Variants in CCDC6 observed in about 807,000 individuals in gnomAD.
The protein encoded by CCDC6 is coiled-coil domain containing 6, also known as coiled-coil domain-containing protein 6.
In CCDC6, 20 loss-of-function variants were observed where a neutral mutation model predicts 56.6. That is an observed-to-expected ratio of 0.35 (90% CI 0.25 to 0.51). The LOEUF is 0.51. Among genes scored for constraint, CCDC6 ranks in the 20% least tolerant of loss-of-function variants. The pLI is 0.95. For synonymous variants in CCDC6, 241 were observed against 234.4 expected (o/e 1.03, Z -0.26); for missense variants, 367 against 601.1 (o/e 0.61, Z 4.07).
chr10:59,793,909 A>T (rs1436647468), intron 8 of CCDC6, among the ~76,000 whole-genome samples: 1 of 152,122 alleles, frequency 6.6e-6, no homozygotes, highest in East Asian at 1.9e-4. Flanking sequence ...AAATATTGGT[A>T]TTTCTGTTAT....
At chr10:59,883,185 T>TA (rs952633208) in intron 1 of CCDC6, among the ~76,000 whole-genome samples, 3 of 152,208 alleles carry the variant, frequency 2.0e-5, no homozygotes, top group African/African-American at 7.2e-5. Flanking sequence ...CTCTGAGTCT[T>TA]AGTCTTTGAG....
At chr10:59,820,688 C>A (rs775362902) in intron 3 of CCDC6, among the ~76,000 whole-genome samples, 7 of 151,838 alleles carry the variant, frequency 4.6e-5, no homozygotes, top group Non-Finnish European at 1.0e-4. Context: ...CTTGAGGCTG[C>A]AGTGAGCTAT....
At chr10:59,875,077 G>A (rs991440137) in intron 1 of CCDC6, among the ~76,000 whole-genome samples, 2 of 152,328 alleles carry the variant, frequency 1.3e-5, no homozygotes, top group East Asian at 3.9e-4. Flanking sequence ...CCATGATTAA[G>A]AACAAGTGAA....
intron 2 of CCDC6, among the ~76,000 whole-genome samples, chr10:59,837,355 A>G (rs949610619): frequency 3.3e-5 from 5 of 152,202 alleles, no homozygotes; most frequent in East Asian, 1.9e-4. Context: ...TAAAATGTCA[A>G]TGTGCAGGTC....
intron 3 of CCDC6, among the ~76,000 whole-genome samples, chr10:59,819,826 G>A (rs941614111): frequency 6.6e-6 from 1 of 152,072 alleles, no homozygotes; most frequent in African/African-American, 2.4e-5. Flanking sequence ...CCCAAGCCCC[G>A]TACTGTGATT....
intron 1 of CCDC6, among the ~76,000 whole-genome samples, chr10:59,864,552 T>C (rs910999927): frequency 4.6e-5 from 7 of 152,198 alleles, no homozygotes; most frequent in African/African-American, 1.4e-4. Context: ...ATAGGATCCC[T>C]GCCAGAGTAT....
At chr10:59,796,148 G>A (rs1351019238) in intron 7 of CCDC6, among the ~76,000 whole-genome samples, 2 of 152,134 alleles carry the variant, frequency 1.3e-5, no homozygotes, top group African/African-American at 4.8e-5. Context: ...GTTGTTTCCT[G>A]ACTTTTTAAT....
chr10:59,877,132 T>G (rs1244580498), intron 1 of CCDC6, among the ~76,000 whole-genome samples: 1 of 152,204 alleles, frequency 6.6e-6, no homozygotes, highest in Non-Finnish European at 1.5e-5. Context: ...ATCGCAGACT[T>G]AAATGCCATT....
At position 59,806,972 on chromosome 10, in the gene CCDC6, G is replaced by A; in HGVS notation, c.954C>T (p.Leu318=). ...LQREMERREA[L]CRQLSESESS... is the part of the protein sequence containing the mutation. ...ACTCACTCTCGGAGAGCTGTCGACA[G>A]AGGGCTTCTCTTCTCTCCATCTCCC... The change falls in exon 6 of 9, where the codon CTC becomes CTT. Residue 318 remains leucine (L), a synonymous_variant. Transcript: ENST00000263102. 1.2e-6 allele frequency: 2 copies of A among 1,614,068 alleles called. No homozygotes were observed. The highest frequency in any genetic ancestry group is 1.7e-6 in the Non-Finnish European group (2 of 1,179,972).
chr10:59,896,055 G>GAT (rs1382120756), intron 1 of CCDC6, among the ~76,000 whole-genome samples: 1 of 152,218 alleles, frequency 6.6e-6, no homozygotes, highest in Admixed American at 6.5e-5. Context: ...ACGGGGAGAG[G>GAT]ATAACTAGAA....
intron 1 of CCDC6, among the ~76,000 whole-genome samples, chr10:59,900,587 G>A (rs2071498160): frequency 6.6e-6 from 1 of 152,144 alleles, no homozygotes; most frequent in Admixed American, 6.5e-5. Context: ...TGGATCCAAG[G>A]ACAATGGGGA....
chr10:59,893,615 AATAC>A (rs67669225), intron 1 of CCDC6, among the ~76,000 whole-genome samples: 20,208 of 148,454 alleles, frequency 0.14, 2,034 homozygotes, highest in African/African-American at 0.29. Flanking sequence ...CAAACAAACA[AATAC>A]ATACATACAT....
intron 1 of CCDC6, among the ~76,000 whole-genome samples, chr10:59,852,980 T>G (rs1280501894): frequency 1.3e-5 from 2 of 152,192 alleles, no homozygotes; most frequent in African/African-American, 4.8e-5. Flanking sequence ...AAGATCACAT[T>G]GCAGTTTTTA....
At chr10:59,905,943 C>T (rs2071541823) in intron 1 of CCDC6, among the ~76,000 whole-genome samples, 179 bp downstream of exon 1, 1 of 152,198 alleles carries the variant, frequency 6.6e-6, no homozygotes, top group African/African-American at 2.4e-5. Context: ...GACAGACCCG[C>T]GTGGCCCCGA....
intron 2 of CCDC6, among the ~76,000 whole-genome samples, chr10:59,838,745 C>G (rs2070908240): frequency 6.6e-6 from 1 of 152,148 alleles, no homozygotes; most frequent in Non-Finnish European, 1.5e-5. Flanking sequence ...ACAATACTTG[C>G]TAGTCATGCC....
intron 7 of CCDC6, among the ~76,000 whole-genome samples, chr10:59,803,377 C>T (rs773444416): frequency 6.6e-6 from 1 of 151,754 alleles, no homozygotes; most frequent in Non-Finnish European, 1.5e-5. Flanking sequence ...CCTGATGCAA[C>T]GCTGTTTTAC....
At chr10:59,829,221 C>G (rs1401789374) in intron 3 of CCDC6, among the ~76,000 whole-genome samples, 1 of 152,224 alleles carries the variant, frequency 6.6e-6, no homozygotes, top group African/African-American at 2.4e-5. Context: ...AAGGAGCCAA[C>G]TCAGAAACCA....
chr10:59,882,026 C>CCAG (rs1564755796), intron 1 of CCDC6, among the ~76,000 whole-genome samples: 1 of 51,480 alleles, frequency 1.9e-5, no homozygotes, highest in African/African-American at 8.3e-5. Context: ...AGGAAAGCCG[C>CCAG]GGGGAGAAGG....
chr10:59,825,071 A>G (rs909732805), intron 3 of CCDC6, among the ~76,000 whole-genome samples: 1 of 152,222 alleles, frequency 6.6e-6, no homozygotes, highest in Non-Finnish European at 1.5e-5. Flanking sequence ...AGCTTTTAGC[A>G]TGAATGGAAT....
Sources: allele counts gnomAD v4.1 joint callset (sites outside exome capture counted in the v4.1 genomes callset), GRCh38; gene constraint gnomAD v4.1.1; transcripts MANE v1.5; gene names NCBI Gene and HGNC (gene_info 2026-07-23, HGNC 2026-07-21).